The following UROS variants were observed in gnomAD, a reference collection of about 807,000 sequenced individuals.
The protein encoded by UROS is uroporphyrinogen-III synthase.
A neutral mutation model predicts 33.0 loss-of-function variants in UROS; 18 were observed. The observed-to-expected ratio is 0.55, with a 90% CI of 0.38 to 0.81. UROS has a LOEUF of 0.81. Ranked by LOEUF, UROS falls within the 30% of genes least tolerant of loss-of-function variation. The pLI is 0.00. For synonymous variants in UROS, 114 were observed against 121.1 expected (o/e 0.94, Z 0.38); for missense variants, 293 against 314.9 (o/e 0.93, Z 0.53).
chr10:125,786,062 G>A (rs369242871), downstream of UROS, among the ~76,000 whole-genome samples: 532 of 152,150 alleles, frequency 3.5e-3, 5 homozygotes, highest in South Asian at 0.027. Flanking sequence ...CACCGTCCTG[G>A]GTGGCCCTAC....
intron 1 of UROS, among the ~76,000 whole-genome samples, chr10:125,820,584 C>A (rs1478665633): frequency 6.6e-6 from 1 of 152,168 alleles, no homozygotes; most frequent in Non-Finnish European, 1.5e-5. Context: ...ATCCGTGATC[C>A]AGTCAAGATG....
At chr10:125,798,505 T>C (rs1851551709) in intron 6 of UROS, among the ~76,000 whole-genome samples, 1 of 152,198 alleles carries the variant, frequency 6.6e-6, no homozygotes, top group African/African-American at 2.4e-5. Flanking sequence ...AAGGTGAAGA[T>C]CAGGCCTGGT....
chr10:125,801,997 T>C, intron 6 of UROS: 1 of 984,766 alleles, frequency 1.0e-6, no homozygotes, highest in Non-Finnish European at 1.2e-6. Flanking sequence ...AAAGAGCTAA[T>C]TGTCAGCCAC....
At chr10:125,816,323 C>T (rs1853316297) in intron 2 of UROS, 63 bp from the exon 3 acceptor site, 13 of 1,600,736 alleles carry the variant, frequency 8.1e-6, no homozygotes, top group Non-Finnish European at 1.1e-5. Context: ...GGAACATTAA[C>T]AATTTATTCT....
intron 6 of UROS, among the ~76,000 whole-genome samples, chr10:125,800,602 C>T (rs1319358939): frequency 2.0e-5 from 3 of 150,182 alleles, no homozygotes; most frequent in African/African-American, 7.4e-5. Flanking sequence ...CACTCTTTCA[C>T]CCAGGCTGGA....
At chr10:125,819,241 CAA>C (rs1320265458) in intron 1 of UROS, among the ~76,000 whole-genome samples, 2 of 152,154 alleles carry the variant, frequency 1.3e-5, no homozygotes, top group African/African-American at 4.8e-5. Flanking sequence ...CTTGGCTTCC[CAA>C]AGTGTTGAGA....
intron 6 of UROS, chr10:125,807,083 G>A: frequency 2.9e-6 from 1 of 349,760 alleles, no homozygotes; most frequent in African/African-American, 2.1e-5. Flanking sequence ...CCTCAGTAAG[G>A]GGAGAGTACC....
chr10:125,796,933 T>C, intron 7 of UROS: 1 of 834,664 alleles, frequency 1.2e-6, no homozygotes, highest in Non-Finnish European at 1.4e-6. Flanking sequence ...TATTGCCATT[T>C]CATATCCCTG....
At chr10:125,819,790 C>T (rs1853693098) in intron 1 of UROS, 1 of 152,560 alleles carries the variant, frequency 6.6e-6, no homozygotes, top group African/African-American at 2.4e-5. Flanking sequence ...CTGTTATTTC[C>T]CATTGAGGGG....
chr10:125,801,269 A>C (rs993345039), intron 6 of UROS, among the ~76,000 whole-genome samples: 1 of 152,244 alleles, frequency 6.6e-6, no homozygotes, highest in Non-Finnish European at 1.5e-5. Context: ...CTTTCTGCCC[A>C]CACAGTTTCT....
At chr10:125,812,149 C>A (rs10901444) in intron 5 of UROS, 65 bp downstream of exon 5, 127 of 1,463,142 alleles carry the variant, frequency 8.7e-5, no homozygotes, top group African/African-American at 1.4e-4. Flanking sequence ...CTGAGTTAAA[C>A]TGTTTTTTAA....
intron 6 of UROS, chr10:125,802,735 A>C (rs1851947604): frequency 7.1e-7 from 1 of 1,402,680 alleles, no homozygotes. Flanking sequence ...GTATCTCTTT[A>C]GGTACAGCCC....
At chr10:125,797,758 C>T (rs556522728) in intron 7 of UROS, among the ~76,000 whole-genome samples, 11 of 130,340 alleles carry the variant, frequency 8.4e-5, no homozygotes, top group Non-Finnish European at 1.8e-4. Flanking sequence ...GGTTTGTCAC[C>T]TCAGTTATCT....
intron 1 of UROS, among the ~76,000 whole-genome samples, chr10:125,819,088 G>T (rs547622402): frequency 1.3e-5 from 2 of 152,226 alleles, no homozygotes; most frequent in South Asian, 4.2e-4. Flanking sequence ...GGGTTCAAGC[G>T]ATTCTCCTGC....
rs1851344199 is a variant in UROS, at chr10:125,796,204, A to G, written c.476-16T>C. The G allele has an allele frequency of 6.2e-7, 1 of 1,613,786 alleles. No homozygotes were observed. The highest frequency in any genetic ancestry group is 1.7e-5 in the Admixed American group (1 of 59,994). On this transcript the variant is annotated splice_polypyrimidine_tract_variant and intron_variant, in intron 7 of 9. Coordinates refer to ENST00000368797, the MANE Select transcript of UROS (RefSeq NM_000375.3). ...ATGGCAATCCCTGGGCACAATCAAA[A>G]GCAGGAAAGACTTTACCGCACTGGG...
chr10:125,804,215 G>A (rs1385120729), intron 6 of UROS, among the ~76,000 whole-genome samples: 1 of 152,192 alleles, frequency 6.6e-6, no homozygotes, highest in African/African-American at 2.4e-5. Context: ...GATGGAGCTA[G>A]TCACCAGGGG....
chr10:125,809,897 A>G (rs1852652337), intron 5 of UROS, among the ~76,000 whole-genome samples: 1 of 152,200 alleles, frequency 6.6e-6, no homozygotes, highest in African/African-American at 2.4e-5. Context: ...TTATTAATCA[A>G]TAATACCTGT....
rs1441195768 is a variant in UROS at position 125,816,448 on chromosome 10, G to A, written c.52C>T (p.Pro18Ser). ...DAKEDDCGQDPYIRELGLYGL... is the reference protein window; with the variant it reads ...DAKEDDCGQDSYIRELGLYGL... ...CTCAGGCCACTTACCCTGATATACGGATCCTGGCCACAGTCATCTTCCTTC... is the reference window on the plus strand; with the variant it reads ...CTCAGGCCACTTACCCTGATATACGAATCCTGGCCACAGTCATCTTCCTTC... Residue 18 changes from proline to serine, a missense_variant, in exon 2 of 10, where the codon CCG becomes TCG. Physicochemically the swap from Pro to Ser is moderately conservative, Grantham distance 74. Coordinates refer to ENST00000368797, the MANE Select transcript of UROS (RefSeq NM_000375.3). 5.6e-6 allele frequency: 9 copies of A among 1,614,036 alleles called. No individual in the cohort carries two copies. The South Asian group carries it at 9.9e-5, about 18-fold the overall frequency.
chr10:125,816,317 CA>C (rs1853316034), intron 2 of UROS, 57 bp from the exon 3 acceptor site: 1 of 1,601,748 alleles, frequency 6.2e-7, no homozygotes, highest in Non-Finnish European at 8.6e-7. Flanking sequence ...AATAAGGGAA[CA>C]TTAACAATTT....
Sources: gnomAD v4.1 joint callset for allele counts (sites outside exome capture counted in the v4.1 genomes callset) on GRCh38, gnomAD v4.1.1 for gene constraint, MANE v1.5 for transcripts, NCBI Gene and HGNC (gene_info 2026-07-23, HGNC 2026-07-21) for gene names.